Variants in RAD23B observed in about 807,000 individuals in gnomAD.
RAD23B encodes the protein lysine-specific demethylase RAD23B.
A neutral mutation model predicts 49.1 loss-of-function variants in RAD23B; 5 were observed. The observed-to-expected ratio is 0.10, with a 90% CI of 0.05 to 0.21. RAD23B has a LOEUF of 0.21. Among genes scored for constraint, RAD23B ranks in the 10% least tolerant of loss-of-function variants. The pLI is 1.00. For missense variants in RAD23B, 356 were observed against 486.7 expected (o/e 0.73, Z 2.53); for synonymous variants, 184 against 165.4 (o/e 1.11, Z -0.86).
At chr9:107,306,296 C>T in intron 3 of RAD23B, 83 bp from the exon 4 acceptor site, 1 of 1,352,016 alleles carries the variant, frequency 7.4e-7, no homozygotes, top group Non-Finnish European at 1.0e-6. Context: ...ATGTTTGTGG[C>T]ATCCTGTAAC....
intron 1 of RAD23B, chr9:107,284,069 G>T (rs558749580): frequency 9.9e-7 from 1 of 1,014,798 alleles, no homozygotes; most frequent in African/African-American, 1.7e-5. Context: ...GGAGGGAGAC[G>T]TAGGCGTCGC....
At chr9:107,317,263 G>A (rs923481742) in intron 5 of RAD23B, among the ~76,000 whole-genome samples, 2 of 152,090 alleles carry the variant, frequency 1.3e-5, no homozygotes, top group African/African-American at 2.4e-5. Context: ...GGTTTGGGGT[G>A]TAATTTAGAG....
chr9:107,291,525 T>A (rs1833384705), intron 1 of RAD23B, among the ~76,000 whole-genome samples: 1 of 152,208 alleles, frequency 6.6e-6, no homozygotes, highest in Admixed American at 6.5e-5. Flanking sequence ...TCAGTTATTG[T>A]TTCAATTGTA....
intron 1 of RAD23B, among the ~76,000 whole-genome samples, chr9:107,294,367 C>T (rs1361380641): frequency 6.6e-6 from 1 of 152,146 alleles, no homozygotes; most frequent in Non-Finnish European, 1.5e-5. Context: ...GGAAATGCAG[C>T]ACAATGAAAG....
Position 107,322,113 on chromosome 9 carries a change from C to G in RAD23B, c.812C>G (p.Ser271Cys), listed in dbSNP as rs776063038. ...TTTATTTTTS[S>C]GGHPLEFLRN... Reference sequence around the variant, plus strand: ...ACAGCAACAACTACAACAACAAGTTCTGGAGGTAAAGCGGAATCTTCTGGA... The same window carrying G: ...ACAGCAACAACTACAACAACAAGTTGTGGAGGTAAAGCGGAATCTTCTGGA... Residue 271 changes from serine to cysteine, a missense_variant, in exon 7 of 10, where the codon TCT becomes TGT. Physicochemically the swap from Ser to Cys is moderately radical, Grantham distance 112. Coordinates refer to ENST00000358015, the MANE Select transcript of RAD23B (RefSeq NM_002874.5). 6.2e-7 allele frequency: 1 copy of G among 1,601,618 alleles called. No individual in the cohort carries two copies. Among genetic ancestry groups the G allele is most frequent in the Admixed American group, 1.7e-5 (1 of 57,176 alleles).
intron 1 of RAD23B, among the ~76,000 whole-genome samples, 166 bp downstream of exon 1, chr9:107,283,861 C>T (rs1029616474): frequency 1.3e-5 from 2 of 152,194 alleles, no homozygotes; most frequent in Non-Finnish European, 2.9e-5. Context: ...GCCGATCCTC[C>T]TGTCTTGGCC....
chr9:107,321,354 T>TA (rs1827107995), intron 6 of RAD23B, among the ~76,000 whole-genome samples: 1 of 152,218 alleles, frequency 6.6e-6, no homozygotes, highest in African/African-American at 2.4e-5. Flanking sequence ...ATTTATGAGA[T>TA]ACTTTCTGAG....
At chr9:107,291,914 A>G (rs987696163) in intron 1 of RAD23B, among the ~76,000 whole-genome samples, 2 of 152,270 alleles carry the variant, frequency 1.3e-5, no homozygotes, top group Middle Eastern at 6.8e-3. Flanking sequence ...TTTAAATGAA[A>G]TCTCTTTTTC....
At chr9:107,305,862 C>G (rs935101992) in intron 3 of RAD23B, among the ~76,000 whole-genome samples, 1 of 151,630 alleles carries the variant, frequency 6.6e-6, no homozygotes, top group Non-Finnish European at 1.5e-5. Context: ...GTAATCCTAG[C>G]GCTTTGGGAG....
chr9:107,283,833 C>A, intron 1 of RAD23B, 138 bp downstream of exon 1: 2 of 946,024 alleles, frequency 2.1e-6, no homozygotes, highest in Non-Finnish European at 1.4e-6. Flanking sequence ...GGTGCCGGCC[C>A]TGGCGGCGTA....
chr9:107,307,288 A>G (rs1277360345), intron 4 of RAD23B, among the ~76,000 whole-genome samples: 11 of 152,264 alleles, frequency 7.2e-5, no homozygotes, highest in Non-Finnish European at 1.3e-4. Flanking sequence ...GGAAGTTGAC[A>G]GCAGAGACAC....
At chr9:107,299,997 AT>A (rs1369071655) in intron 1 of RAD23B, 143 bp from the exon 2 acceptor site, 1 of 1,071,650 alleles carries the variant, frequency 9.3e-7, no homozygotes, top group African/African-American at 1.6e-5. Context: ...CTTTTTTGAT[AT>A]AAATTGGAAA....
At position 107,331,928 on chromosome 9, in the gene RAD23B, G is replaced by T. The variant is rs1827317537; in HGVS notation, c.*2272G>T. On this transcript the variant is annotated 3_prime_UTR_variant, in exon 10 of 10. Coordinates refer to ENST00000358015, the MANE Select transcript of RAD23B (RefSeq NM_002874.5). ...TAATGTTTAATTTACAAACTGTTTT[G>T]GTAAATCTCTTAATGTAAGTAGCTA... The T allele has an allele frequency of 1.3e-5, 6 of 465,180 alleles. No homozygotes were observed. The South Asian group carries it at 2.7e-4, about 21-fold the overall frequency. 28.8% of individuals were successfully genotyped at this position (465,180 alleles called of 1,614,324 possible).
rs1827283278 is a variant in RAD23B at position 107,330,248 on chromosome 9, TAAAATG to T, written c.*598_*603del. 1 of 152,650 alleles carries T rather than the reference TAAAATG, an allele frequency of 6.6e-6. No homozygotes were observed. The highest frequency in any genetic ancestry group is 1.5e-5 in the Non-Finnish European group (1 of 68,024). The allele number at this position is 152,650 out of a possible 1,614,324, so 9.5% of individuals were successfully genotyped here. The stretch of plus-strand genomic sequence containing the variant: ...GGAGGGGAGAAAGGGAACCTTTTCT[TAAAATG>T]AAAATAATTACTGCTATTTTAAAAT... On this transcript the variant is annotated 3_prime_UTR_variant, in exon 10 of 10. Coordinates refer to ENST00000358015, the MANE Select transcript of RAD23B (RefSeq NM_002874.5). This position sits in a 1 kb window ranked among gnomAD's most constrained non-coding sequence, Gnocchi z 4.4.
chr9:107,317,937 T>C (rs1431248587), intron 5 of RAD23B, among the ~76,000 whole-genome samples: 1 of 152,034 alleles, frequency 6.6e-6, no homozygotes, highest in East Asian at 1.9e-4. Flanking sequence ...TTATATAAGG[T>C]ATCAAAGGGA....
intron 5 of RAD23B, among the ~76,000 whole-genome samples, chr9:107,314,521 A>T (rs1826952900): frequency 6.6e-6 from 1 of 152,088 alleles, no homozygotes; most frequent in Non-Finnish European, 1.5e-5. Context: ...ACATGGTTTT[A>T]TTCTTTTTGA....
Position 107,285,006 on chromosome 9 carries a change from C to G in RAD23B, c.66+1311C>G, listed in dbSNP as rs949298533. ...ATACAGTGTTACGTTTTACTTATCT[C>G]ATTTAATCTTAAGTTTTGTACATCT... On this transcript the variant is annotated intron_variant, in intron 1 of 9. Coordinates refer to ENST00000358015, the MANE Select transcript of RAD23B (RefSeq NM_002874.5). 3.2e-6 allele frequency: 4 copies of G among 1,237,930 alleles called. No individual in the cohort carries two copies. The Admixed American group carries it at 1.1e-4, about 35-fold the overall frequency. The allele number at this position is 1,237,930 out of a possible 1,614,324, so 76.7% of individuals were successfully genotyped here. A position where few individuals can be genotyped will look rare whatever the true frequency, so the allele number is the denominator to read the frequency against.
chr9:107,331,115 A>G lies in RAD23B; in HGVS notation c.*1459A>G, dbSNP rs1285264259. On this transcript the variant is annotated 3_prime_UTR_variant, in exon 10 of 10. Coordinates refer to ENST00000358015, the MANE Select transcript of RAD23B (RefSeq NM_002874.5). The stretch of plus-strand genomic sequence containing the variant: ...TGATACTAAGAAGATGAATTTGCAC[A>G]GATTTCTCTGCATAATTTCTCAATA... 1.3e-5 allele frequency: 2 copies of G among 152,462 alleles called. No individual in the cohort carries two copies. The highest frequency in any genetic ancestry group is 4.8e-5 in the African/African-American group (2 of 41,420). 9.4% of individuals were successfully genotyped at this position (152,462 alleles called of 1,614,324 possible). A position where few individuals can be genotyped will look rare whatever the true frequency, so the allele number is the denominator to read the frequency against.
rs1461920343 is a variant in RAD23B, at chr9:107,306,500, T to C, written c.350T>C (p.Leu117Ser). Residue 117 changes from leucine to serine, a missense_variant, in exon 4 of 10, where the codon TTG becomes TCG. Physicochemically the swap from Leu to Ser is moderately radical, Grantham distance 145. Coordinates refer to ENST00000358015, the MANE Select transcript of RAD23B (RefSeq NM_002874.5). ...CAGGCTCCAACCCCTGTCCCTGCCT[T>C]GGCCCCCACTTCCACACCTGCATCC... is the stretch of plus-strand genomic sequence containing the variant. ...VAQAPTPVPA[L>S]APTSTPASIT... The C allele has an allele frequency of 1.2e-6, 2 of 1,614,042 alleles. No individual in the cohort carries two copies. The highest frequency in any genetic ancestry group is 3.3e-5 in the Admixed American group (2 of 59,992).
Sources: gnomAD v4.1 joint callset for allele counts (sites outside exome capture counted in the v4.1 genomes callset) on GRCh38, gnomAD v4.1.1 for gene constraint, Gnocchi (gnomAD v3.1) non-coding constraint, MANE v1.5 for transcripts, NCBI Gene and HGNC (gene_info 2026-07-23, HGNC 2026-07-21) for gene names.